Variants in COX6B1 observed in about 807,000 individuals in gnomAD.
COX6B1 encodes the protein cytochrome c oxidase subunit 6B1, also known as COX VIb-1.
A neutral mutation model predicts 14.0 loss-of-function variants in COX6B1; 2 were observed. The ratio of observed to expected loss-of-function variants is 0.14; its 90% CI spans 0.06 to 0.45. The LOEUF is 0.45. Ranked by LOEUF, COX6B1 falls within the 20% of genes least tolerant of loss-of-function variation. The pLI, the probability that COX6B1 is intolerant of heterozygous loss-of-function variation, is 0.98. For missense variants in COX6B1, 81 were observed against 114.2 expected (o/e 0.71, Z 1.33); for synonymous variants, 30 against 39.7 (o/e 0.76, Z 0.92).
At chr19:35,649,879 T>C (rs944190969) in intron 1 of COX6B1, among the ~76,000 whole-genome samples, 23 of 151,666 alleles carry the variant, frequency 1.5e-4, no homozygotes, top group South Asian at 8.4e-4. Context: ...ACCTCAGCAT[T>C]CCAAAGTGCT....
At chr19:35,656,048 C>T (rs1049532366) in intron 3 of COX6B1, among the ~76,000 whole-genome samples, 7 of 151,976 alleles carry the variant, frequency 4.6e-5, no homozygotes, top group African/African-American at 1.7e-4. Context: ...AGACTGGTCT[C>T]GAACTCCTGA....
chr19:35,649,060 C>T (rs1272514320), intron 1 of COX6B1, among the ~76,000 whole-genome samples: 1 of 152,140 alleles, frequency 6.6e-6, no homozygotes, highest in Non-Finnish European at 1.5e-5. Flanking sequence ...TATAGCCCCA[C>T]GACTCCTAGG....
At chr19:35,655,755 G>GTCTCTCTCTCTCTC (rs3038413) in intron 3 of COX6B1, among the ~76,000 whole-genome samples, 133 of 146,070 alleles carry the variant, frequency 9.1e-4, no homozygotes, top group African/African-American at 1.5e-3. Flanking sequence ...CACTGTGCCT[G>GTCTCTCTCTCTCTC]TCTCTCTCTC....
At chr19:35,656,732 C>T (rs1025056345) in intron 3 of COX6B1, among the ~76,000 whole-genome samples, 1 of 152,156 alleles carries the variant, frequency 6.6e-6, no homozygotes, top group Non-Finnish European at 1.5e-5. Flanking sequence ...GCACCTGCTT[C>T]GGCCTCCCAA....
At chr19:35,657,708 G>A (rs1260790735) in intron 3 of COX6B1, among the ~76,000 whole-genome samples, 1 of 141,284 alleles carries the variant, frequency 7.1e-6, no homozygotes, top group Non-Finnish European at 1.5e-5. Flanking sequence ...GGAGTGCGGT[G>A]TGCAGTGGTA....
intron 2 of COX6B1, among the ~76,000 whole-genome samples, chr19:35,652,708 A>G (rs1465592996): frequency 6.6e-6 from 1 of 151,626 alleles, no homozygotes; most frequent in Middle Eastern, 3.2e-3. Context: ...AGCCTCCCAA[A>G]GTGCTGGAAT....
intron 3 of COX6B1, among the ~76,000 whole-genome samples, chr19:35,656,772 C>T (rs965968258): frequency 1.3e-5 from 2 of 152,120 alleles, no homozygotes; most frequent in Non-Finnish European, 2.9e-5. Flanking sequence ...TGAGCCACCA[C>T]GCCCAGCCAT....
chr19:35,656,198 C>G (rs1205604022), intron 3 of COX6B1, among the ~76,000 whole-genome samples: 1 of 152,164 alleles, frequency 6.6e-6, no homozygotes, highest in Non-Finnish European at 1.5e-5. Context: ...CTACAAAAAT[C>G]TTCATGTACA....
chr19:35,656,238 G>A (rs1381908984), intron 3 of COX6B1, among the ~76,000 whole-genome samples: 1 of 152,208 alleles, frequency 6.6e-6, no homozygotes, highest in Non-Finnish European at 1.5e-5. Context: ...TGTTCGTAAT[G>A]GAGAATATTT....
chr19:35,652,516 C>T (rs138924833), intron 2 of COX6B1, among the ~76,000 whole-genome samples: 1,928 of 151,992 alleles, frequency 0.013, 17 homozygotes, highest in Middle Eastern at 0.051. Flanking sequence ...ACTGCAACCT[C>T]TTCTGCCTGC....
intron 1 of COX6B1, among the ~76,000 whole-genome samples, chr19:35,650,394 G>A (rs1265465995): frequency 6.6e-6 from 1 of 152,154 alleles, no homozygotes. Flanking sequence ...TACTCATGGA[G>A]CCTATGCAAT....
At chr19:35,655,985 C>A (rs1204381080) in intron 3 of COX6B1, among the ~76,000 whole-genome samples, 3 of 152,110 alleles carry the variant, frequency 2.0e-5, no homozygotes, top group Admixed American at 2.0e-4. Flanking sequence ...GCCACCACAC[C>A]TGGCCCAATT....
chr19:35,648,686 A>C (rs1967788368), intron 1 of COX6B1: 2 of 382,150 alleles, frequency 5.2e-6, no homozygotes, highest in Admixed American at 6.1e-5. Flanking sequence ...GCTCAGAGAT[A>C]CCAAGCGACC....
chr19:35,649,225 A>G (rs1224690623), intron 1 of COX6B1, among the ~76,000 whole-genome samples: 1 of 152,156 alleles, frequency 6.6e-6, no homozygotes, highest in Non-Finnish European at 1.5e-5. Context: ...GTGGAATTGC[A>G]TCTGTGTTTT....
At chr19:35,655,085 A>G (rs1219737239) in intron 3 of COX6B1, among the ~76,000 whole-genome samples, 2 of 147,128 alleles carry the variant, frequency 1.4e-5, no homozygotes, top group African/African-American at 5.1e-5. Flanking sequence ...GCTGGAGTGC[A>G]GTGGCGCGAT....
chr19:35,655,728 G>A (rs1967880919), intron 3 of COX6B1, among the ~76,000 whole-genome samples: 1 of 151,376 alleles, frequency 6.6e-6, no homozygotes, highest in Non-Finnish European at 1.5e-5. Flanking sequence ...TGAGTAGCTT[G>A]GACTACAGGC....
At chr19:35,654,164 G>T (rs184807107) in intron 2 of COX6B1, among the ~76,000 whole-genome samples, 1 of 152,292 alleles carries the variant, frequency 6.6e-6, no homozygotes, top group East Asian at 1.9e-4. Flanking sequence ...TTTATTCTAT[G>T]CCTGTACACT....
In COX6B1 at chr19:35,658,662, C is replaced by T. The variant is rs761578251; in HGVS notation, c.*15C>T. On this transcript the variant is annotated 3_prime_UTR_variant, in exon 4 of 4. Coordinates refer to ENST00000649813, the MANE Select transcript of COX6B1 (RefSeq NM_001863.5). The stretch of plus-strand genomic sequence containing the variant: ...GGAAGATCTGAACTGGCTGCATCTC[C>T]CTTTCCTCTGTCCTCCATCCTTCTC... 3.1e-6 allele frequency: 5 copies of T among 1,612,914 alleles called. No individual in the cohort carries two copies. The highest frequency in any genetic ancestry group is 4.2e-6 in the Non-Finnish European group (5 of 1,179,084).
chr19:35,650,997 T>C (rs757136532), intron 1 of COX6B1, among the ~76,000 whole-genome samples: 1 of 152,150 alleles, frequency 6.6e-6, no homozygotes, highest in Non-Finnish European at 1.5e-5. Flanking sequence ...TGTTAGCTCA[T>C]GTTATTTGGG....
Sources: allele counts gnomAD v4.1 joint callset (sites outside exome capture counted in the v4.1 genomes callset), GRCh38; gene constraint gnomAD v4.1.1; transcripts MANE v1.5; gene names NCBI Gene and HGNC (gene_info 2026-07-23, HGNC 2026-07-21).